Variants in MAN2A1 observed in about 807,000 individuals in gnomAD.
MAN2A1 encodes alpha-mannosidase 2.
Under a neutral mutation model 142.6 loss-of-function variants are expected in MAN2A1, and 76 were observed. The observed-to-expected ratio is 0.53, with a 90% confidence interval of 0.44 to 0.65. The LOEUF (loss-of-function observed/expected upper bound fraction) is 0.65. MAN2A1 is among the 30% of genes least tolerant of loss of function. The pLI is 0.00. For missense variants in MAN2A1, 1,311 were observed against 1,365.1 expected (o/e 0.96, Z 0.62); for synonymous variants, 559 against 473.2 (o/e 1.18, Z -2.35).
chr5:109,822,141 TG>T (rs1435131001), intron 15 of MAN2A1, among the ~76,000 whole-genome samples: 3 of 150,964 alleles, frequency 2.0e-5, no homozygotes, highest in South Asian at 2.1e-4. Context: ...TTTTTGTTTT[TG>T]GTTTTTTTTT....
intron 12 of MAN2A1, among the ~76,000 whole-genome samples, chr5:109,811,573 CGTGTGTGTGTGTGT>C (rs70999943): frequency 1.4e-5 from 2 of 144,932 alleles, no homozygotes; most frequent in Non-Finnish European, 3.0e-5. Flanking sequence ...TCCTAACAGC[CGTGTGTGTGTGTGT>C]GTGTGTGTGT....
At chr5:109,780,100 CAGGCTGGA>C (rs1753414118) in intron 8 of MAN2A1, among the ~76,000 whole-genome samples, 1 of 152,142 alleles carries the variant, frequency 6.6e-6, no homozygotes, top group Non-Finnish European at 1.5e-5. Context: ...CTCTGTCACC[CAGGCTGGA>C]ATGCAGTGGC....
intron 1 of MAN2A1, among the ~76,000 whole-genome samples, chr5:109,691,642 A>C (rs1750676370): frequency 6.6e-6 from 1 of 152,204 alleles, no homozygotes; most frequent in African/African-American, 2.4e-5. Context: ...TTAAAGTAAA[A>C]ACTTTACTGG....
intron 17 of MAN2A1, 94 bp downstream of exon 17, chr5:109,842,555 A>G (rs978655614): frequency 8.7e-6 from 7 of 803,154 alleles, no homozygotes; most frequent in Non-Finnish European, 1.3e-5. Context: ...TCCTTTGAAA[A>G]AGTATACTTA....
intron 12 of MAN2A1, among the ~76,000 whole-genome samples, chr5:109,790,277 G>GT (rs1753703264): frequency 2.0e-5 from 3 of 151,582 alleles, no homozygotes; most frequent in Non-Finnish European, 4.4e-5. Flanking sequence ...ATTTCAAAGA[G>GT]TAATTCATTA....
chr5:109,837,538 G>T (rs1303652782), intron 16 of MAN2A1, among the ~76,000 whole-genome samples: 1 of 152,114 alleles, frequency 6.6e-6, no homozygotes, highest in African/African-American at 2.4e-5. Context: ...TGCCAGTCTT[G>T]TCCTTGGGCG....
rs140879494 is a variant in MAN2A1, at chr5:109,701,107, G to T, written c.135+10555G>T. On this transcript the variant is annotated intron_variant, in intron 1 of 21. Coordinates refer to ENST00000261483, the MANE Select transcript of MAN2A1 (RefSeq NM_002372.4). ...CTATTATGTAGCAGGCACTGTTCTA[G>T]GTTCTGGGAATACAGGAGCTAAGAC... is the stretch of plus-strand genomic sequence containing the variant. Among the ~76,000 whole-genome samples the T allele has an allele frequency of 3.9e-3, 587 of 152,300 alleles. 4 individuals are homozygous for T. The highest frequency in any genetic ancestry group is 4.2e-3 in the Non-Finnish European group (286 of 68,038).
chr5:109,771,274 T>C (rs1217496536), intron 7 of MAN2A1, among the ~76,000 whole-genome samples: 1 of 152,158 alleles, frequency 6.6e-6, no homozygotes, highest in African/African-American at 2.4e-5. Flanking sequence ...TAAACTCTGC[T>C]AGGAAAATAA....
chr5:109,717,449 A>G lies in MAN2A1; in HGVS notation c.535+1185A>G, dbSNP rs541121243. Reference sequence around the variant, plus strand: ...CAATATTTAGTGTGCACTGACATGTAAAATATATGAAATCAATATTCTGGA... The same window carrying G: ...CAATATTTAGTGTGCACTGACATGTGAAATATATGAAATCAATATTCTGGA... On this transcript the variant is annotated intron_variant, in intron 3 of 21. Coordinates refer to ENST00000261483, the MANE Select transcript of MAN2A1 (RefSeq NM_002372.4). Among the ~76,000 whole-genome samples, 5 of 152,328 alleles carry G rather than the reference A, an allele frequency of 3.3e-5. No homozygotes were observed. The East Asian group carries it at 7.7e-4, about 23-fold the overall frequency.
At chr5:109,731,045 C>T (rs956222057) in intron 4 of MAN2A1, among the ~76,000 whole-genome samples, 6 of 152,038 alleles carry the variant, frequency 3.9e-5, no homozygotes, top group South Asian at 4.1e-4. Context: ...TGACATTTGA[C>T]GTTCCTTCTC....
chr5:109,767,702 A>C lies in MAN2A1; in HGVS notation c.1003A>C (p.Asn335His). 6.2e-7 allele frequency: 1 copy of C among 1,610,880 alleles called. No homozygotes were observed. The highest frequency in any genetic ancestry group is 8.5e-7 in the Non-Finnish European group (1 of 1,179,322). The part of the protein sequence containing the change: ...HKTLEFFWRQ[N>H]WDLGSVTDIL... ...AACATTGGAGTTTTTTTGGAGACAGAATTGGGGTATGTAGGGTTTGATGAA... is the reference window on the plus strand; with the variant it reads ...AACATTGGAGTTTTTTTGGAGACAGCATTGGGGTATGTAGGGTTTGATGAA... Residue 335 changes from asparagine (N) to histidine (H), a missense_variant, in exon 6 of 22, where the codon AAT becomes CAT. Asn to His is a moderately conservative substitution (Grantham distance 68, BLOSUM62 1). Coordinates refer to ENST00000261483, the MANE Select transcript of MAN2A1 (RefSeq NM_002372.4).
chr5:109,772,628 T>C (rs1215467590), intron 7 of MAN2A1, among the ~76,000 whole-genome samples: 1 of 152,042 alleles, frequency 6.6e-6, no homozygotes, highest in Non-Finnish European at 1.5e-5. Flanking sequence ...CACCTCAGCC[T>C]CCTGAGTAAC....
intron 4 of MAN2A1, among the ~76,000 whole-genome samples, chr5:109,753,973 A>G (rs191162695): frequency 1.3e-5 from 2 of 151,494 alleles, no homozygotes; most frequent in East Asian, 3.9e-4. Flanking sequence ...CAGTGGCGTA[A>G]TCATAGCTCA....
intron 10 of MAN2A1, among the ~76,000 whole-genome samples, chr5:109,788,426 T>C (rs772815846): frequency 2.0e-5 from 3 of 151,882 alleles, no homozygotes; most frequent in Non-Finnish European, 4.4e-5. Context: ...TCAAAAACTC[T>C]TGTTCTGGTT....
Position 109,866,981 on chromosome 5 carries a change from C to G in MAN2A1, c.3418C>G (p.Arg1140Gly). 2 of 1,609,196 alleles carry G rather than the reference C, an allele frequency of 1.2e-6. No individual in the cohort carries two copies. Among genetic ancestry groups the G allele is most frequent in the Non-Finnish European group, 1.7e-6 (2 of 1,177,798 alleles). Residue 1140 changes from arginine (R) to glycine (G), a missense_variant, in exon 22 of 22, where the codon CGA (arginine) becomes GGA (glycine). Physicochemically the swap from Arg to Gly is moderately radical, Grantham distance 125 (BLOSUM62 -2). Around this residue, in one of 3 missense-constraint regions of MAN2A1, gnomAD observed 890 missense variants for 920.5 expected, o/e 0.97. Transcript: ENST00000261483. ...GAGTCCAATGGAAATCAGCACATTC[C>G]GAATCCAGTTGAGGTGAACCTGACT... ...NLSPMEISTF[R>G]IQLR
chr5:109,746,752 C>G (rs2300996), intron 4 of MAN2A1, among the ~76,000 whole-genome samples: 57,035 of 151,934 alleles, frequency 0.38, 11,454 homozygotes, highest in African/African-American at 0.53. Flanking sequence ...AACTTTGTAC[C>G]TGTTGAACAG....
At chr5:109,706,706 A>G (rs1582807401) in intron 1 of MAN2A1, among the ~76,000 whole-genome samples, 1 of 152,206 alleles carries the variant, frequency 6.6e-6, no homozygotes, top group Middle Eastern at 3.4e-3. Flanking sequence ...AAAGAACTTG[A>G]TGTGTTGGAG....
At chr5:109,785,271 G>A (rs1190502104) in intron 10 of MAN2A1, among the ~76,000 whole-genome samples, 1 of 151,896 alleles carries the variant, frequency 6.6e-6, no homozygotes, top group African/African-American at 2.4e-5. Flanking sequence ...TAGTTATAAT[G>A]TAGAGAGATA....
chr5:109,691,658 T>C (rs1216388836), intron 1 of MAN2A1, among the ~76,000 whole-genome samples: 1 of 152,224 alleles, frequency 6.6e-6, no homozygotes, highest in African/African-American at 2.4e-5. Flanking sequence ...ACTGGAATTA[T>C]TGTGAAAGTG....
Sources: allele counts gnomAD v4.1 joint callset (sites outside exome capture counted in the v4.1 genomes callset), GRCh38; gene constraint gnomAD v4.1.1; regional missense constraint gnomAD v4.1.1; transcripts MANE v1.5; gene names NCBI Gene and HGNC (gene_info 2026-07-23, HGNC 2026-07-21).